Variants in RPS6KC1 observed in about 807,000 individuals in gnomAD.
RPS6KC1 encodes inactive ribosomal protein S6 kinase delta-1.
In RPS6KC1, 54 loss-of-function variants were observed where a neutral mutation model predicts 103.8. The observed-to-expected ratio is 0.52, with a 90% CI of 0.42 to 0.65. The LOEUF (loss-of-function observed/expected upper bound fraction) is 0.65, where lower values mean the gene tolerates loss of function less well. Ranked by LOEUF, RPS6KC1 falls within the 30% of genes least tolerant of loss-of-function variation. RPS6KC1 has a pLI of 0.00. For synonymous variants in RPS6KC1, 439 were observed against 438.7 expected (o/e 1.00, Z -0.01); for missense variants, 1,151 against 1,253.8 (o/e 0.92, Z 1.24).
At chr1:213,247,610 C>CAAACCT (rs1437513811) in intron 12 of RPS6KC1, among the ~76,000 whole-genome samples, 1 of 152,140 alleles carries the variant, frequency 6.6e-6, no homozygotes, top group African/African-American at 2.4e-5. Flanking sequence ...TGAGAACTAC[C>CAAACCT]AAACCTGCAT....
At chr1:213,460,727 G>A in the RPS6KC1 span, among the ~76,000 whole-genome samples, 3 of 152,042 alleles carry the variant, frequency 2.0e-5, no homozygotes, top group Admixed American at 1.3e-4. Flanking sequence ...GGCTGGTACC[G>A]GTTTTTCCTT....
chr1:213,374,856 G>A, the RPS6KC1 span, among the ~76,000 whole-genome samples: 4 of 152,234 alleles, frequency 2.6e-5, no homozygotes, highest in Non-Finnish European at 1.5e-5. Flanking sequence ...TGGGAGGGGG[G>A]CCTTGGCCCT....
the RPS6KC1 span, among the ~76,000 whole-genome samples, chr1:213,733,194 A>G: frequency 6.8e-6 from 1 of 148,028 alleles, no homozygotes; most frequent in Admixed American, 6.7e-5. Flanking sequence ...TGGTATTTCT[A>G]TTTCTAGTTT....
the RPS6KC1 span, among the ~76,000 whole-genome samples, chr1:213,417,853 A>G: frequency 6.6e-6 from 1 of 152,072 alleles, no homozygotes; most frequent in Non-Finnish European, 1.5e-5. Flanking sequence ...ATACTTTACA[A>G]CTCAGTGTTG....
the RPS6KC1 span, among the ~76,000 whole-genome samples, chr1:213,353,225 AT>A: frequency 1.1e-4 from 16 of 152,350 alleles, no homozygotes; most frequent in East Asian, 3.1e-3. Context: ...TATCCATTGA[AT>A]ATCTACTGAG....
intron 3 of RPS6KC1, among the ~76,000 whole-genome samples, chr1:213,089,959 A>G (rs2148649867): frequency 6.6e-6 from 1 of 152,354 alleles, no homozygotes; most frequent in East Asian, 1.9e-4. Context: ...ATTTCAGTCC[A>G]GCTATCAATT....
intron 5 of RPS6KC1, chr1:213,125,810 T>A (rs1260864191): frequency 6.6e-6 from 1 of 152,112 alleles, no homozygotes; most frequent in Non-Finnish European, 1.5e-5. Context: ...CATTTAATCA[T>A]GATTCTCATT....
At chr1:213,808,289 GA>G in the RPS6KC1 span, among the ~76,000 whole-genome samples, 4 of 152,216 alleles carry the variant, frequency 2.6e-5, no homozygotes, top group Non-Finnish European at 5.9e-5. Flanking sequence ...CGTGCTGGGA[GA>G]ACCACTGCTC....
chr1:213,700,866 G>A, the RPS6KC1 span, among the ~76,000 whole-genome samples: 1 of 151,842 alleles, frequency 6.6e-6, no homozygotes, highest in Admixed American at 6.6e-5. Context: ...CTTCACTGTT[G>A]GCATATAGAA....
At chr1:213,859,579 ATAAAGT>A in the RPS6KC1 span, among the ~76,000 whole-genome samples, 1 of 152,226 alleles carries the variant, frequency 6.6e-6, no homozygotes, top group African/African-American at 2.4e-5. Flanking sequence ...CTGTGTTTTG[ATAAAGT>A]TTTATTATTA....
chr1:213,531,593 G>A, the RPS6KC1 span, among the ~76,000 whole-genome samples: 1 of 152,206 alleles, frequency 6.6e-6, no homozygotes. Context: ...CTAATCTCTT[G>A]TCCTTGCTAG....
At chr1:213,670,842 A>G in the RPS6KC1 span, among the ~76,000 whole-genome samples, 2 of 152,156 alleles carry the variant, frequency 1.3e-5, no homozygotes, top group Non-Finnish European at 2.9e-5. Context: ...CAGTTCCAGC[A>G]CTTCTACTCA....
Position 213,240,229 on chromosome 1 carries a change from C to G in RPS6KC1, c.1226-473C>G, listed in dbSNP as rs151153095. On this transcript the variant is annotated intron_variant, in intron 10 of 14. Coordinates refer to ENST00000366960, the MANE Select transcript of RPS6KC1 (RefSeq NM_012424.6). ...CCTCCAATCCTGGACTGGACATTTT[C>G]AAAATGGAATAATATTGTTGATTTT... 2.0e-5 allele frequency among the ~76,000 whole-genome samples: 3 copies of G among 152,116 alleles called. No homozygotes were observed. The East Asian group carries it at 5.8e-4, about 29-fold the overall frequency.
chr1:213,549,999 G>T, the RPS6KC1 span, among the ~76,000 whole-genome samples: 1 of 152,134 alleles, frequency 6.6e-6, no homozygotes, highest in Non-Finnish European at 1.5e-5. Context: ...ATAAGGGGCT[G>T]AGGGGTGCAC....
the RPS6KC1 span, among the ~76,000 whole-genome samples, chr1:213,730,304 G>A: frequency 1.3e-5 from 2 of 152,102 alleles, no homozygotes; most frequent in Non-Finnish European, 2.9e-5. Context: ...AGGATTGCTG[G>A]GTCAAATGGT....
At chr1:213,519,659 C>G in the RPS6KC1 span, among the ~76,000 whole-genome samples, 1 of 152,170 alleles carries the variant, frequency 6.6e-6, no homozygotes, top group Non-Finnish European at 1.5e-5. Context: ...GCCAGATCCT[C>G]TCCCCTGCAT....
chr1:213,822,229 A>G, the RPS6KC1 span: 1 of 152,128 alleles, frequency 6.6e-6, no homozygotes, highest in South Asian at 2.1e-4. Context: ...CAGAGAACAC[A>G]AGCTTCTGGT....
At chr1:213,843,334 A>G in the RPS6KC1 span, 1 of 152,250 alleles carries the variant, frequency 6.6e-6, no homozygotes, top group Non-Finnish European at 1.5e-5. Context: ...GACACATAAG[A>G]TCAACCATTA....
At chr1:213,315,310 A>G in the RPS6KC1 span, among the ~76,000 whole-genome samples, 1 of 152,210 alleles carries the variant, frequency 6.6e-6, no homozygotes, top group African/African-American at 2.4e-5. Context: ...GTCCATTGGT[A>G]TGATTTGGGA....
Sources: gnomAD v4.1 joint callset for allele counts (sites outside exome capture counted in the v4.1 genomes callset) on GRCh38, gnomAD v4.1.1 for gene constraint, MANE v1.5 for transcripts, NCBI Gene and HGNC (gene_info 2026-07-23, HGNC 2026-07-21) for gene names.